The following KNDC1 variants were observed in gnomAD, a reference collection of about 807,000 sequenced individuals.
KNDC1 encodes kinase non-catalytic C-lobe domain containing 1, also known as kinase non-catalytic C-lobe domain-containing protein 1.
A neutral mutation model predicts 172.8 loss-of-function variants in KNDC1; 106 were observed. The observed-to-expected ratio is 0.61, with a 90% CI of 0.52 to 0.72. KNDC1 has a LOEUF of 0.72. KNDC1 is among the 30% of genes least tolerant of loss of function. The probability of loss-of-function intolerance (pLI) is 0.00; values close to 1 mark genes in which losing one functional copy is unlikely to be tolerated. For missense variants in KNDC1, 2,325 were observed against 2,394.5 expected, an observed-to-expected ratio of 0.97 and a Z score of 0.61; for synonymous variants, 1,083 against 1,062.2, an observed-to-expected ratio of 1.02 and a Z score of -0.38.
chr10:133,223,325 G>GTC (rs1333576052), intron 29 of KNDC1, among the ~76,000 whole-genome samples: 1 of 61,918 alleles, frequency 1.6e-5, no homozygotes, highest in African/African-American at 5.3e-5. Flanking sequence ...CCCGGCGTGT[G>GTC]TGTGTGTGTG....
At chr10:133,208,751 G>A (rs1001655483) in intron 20 of KNDC1, among the ~76,000 whole-genome samples, 1 of 152,190 alleles carries the variant, frequency 6.6e-6, no homozygotes, top group African/African-American at 2.4e-5. Context: ...GGAGACGTCC[G>A]TGTGCGTGAC....
chr10:133,161,803 G>A (rs548498213), intron 1 of KNDC1, among the ~76,000 whole-genome samples: 1 of 152,310 alleles, frequency 6.6e-6, no homozygotes, highest in South Asian at 2.1e-4. Context: ...TCTGTTAGGA[G>A]GCGGCCCTGA....
In KNDC1 at chr10:133,201,809, G is replaced by A; in HGVS notation, c.3298G>A (p.Ala1100Thr). The change falls in exon 17 of 30, where the codon GCC (alanine) becomes ACC (threonine). Residue 1100 changes from alanine to threonine, a missense_variant. Coordinates refer to ENST00000304613, the MANE Select transcript of KNDC1 (RefSeq NM_152643.8). Reference sequence around the variant, plus strand: ...CGGCTGGTGCAGCGCCTTCTACGAGGCCGACTGCTTCGGGGCCGACGTCCA... The same window carrying A: ...CGGCTGGTGCAGCGCCTTCTACGAGACCGACTGCTTCGGGGCCGACGTCCA... ...SPGWCSAFYE[A>T]DCFGADVHNY... 1.3e-6 allele frequency: 2 copies of A among 1,511,702 alleles called. No homozygotes were observed. Among genetic ancestry groups the A allele is most frequent in the Admixed American group, 2.3e-5 (1 of 42,950 alleles). The allele number at this position is 1,511,702 out of a possible 1,614,324, so 93.6% of individuals were successfully genotyped here.
intron 17 of KNDC1, among the ~76,000 whole-genome samples, chr10:133,206,011 A>G (rs1419590232): frequency 6.6e-6 from 1 of 152,100 alleles, no homozygotes; most frequent in Non-Finnish European, 1.5e-5. Context: ...GACCAGCCTG[A>G]CCAACATGGA....
rs371450560 is a variant in KNDC1 at position 133,166,567 on chromosome 10, A to AGT, written c.103-802_103-801dup. 1.1e-4 allele frequency among the ~76,000 whole-genome samples: 16 copies of AGT among 151,636 alleles called. 1 individual carries two copies. Among genetic ancestry groups the AGT allele is most frequent in the Admixed American group, 9.8e-4 (15 of 15,236 alleles). ...TGAGGATGTCTGTTCTCATTGCATGAGTGTGTGTGTGTGAAGCGGATGGAA... is the reference window on the plus strand; with the variant it reads ...TGAGGATGTCTGTTCTCATTGCATGAGTGTGTGTGTGTGTGAAGCGGATGGAA... On this transcript the variant is annotated intron_variant, in intron 1 of 29. Coordinates refer to ENST00000304613, the MANE Select transcript of KNDC1 (RefSeq NM_152643.8).
At chr10:133,166,975 G>A (rs1192554716) in intron 1 of KNDC1, among the ~76,000 whole-genome samples, 1 of 152,182 alleles carries the variant, frequency 6.6e-6, no homozygotes, top group African/African-American at 2.4e-5. Flanking sequence ...AGCTCTGCAC[G>A]AGTCCACAGT....
At position 133,198,364 on chromosome 10, in the gene KNDC1, G is replaced by A; in HGVS notation, c.1934G>A (p.Gly645Glu). The A allele has an allele frequency of 1.3e-6, 2 of 1,594,350 alleles. No homozygotes were observed. Among genetic ancestry groups the A allele is most frequent in the Non-Finnish European group, 1.7e-6 (2 of 1,171,648 alleles). ...PGFLPVNSDT[G>E]LVAVPGPVPG... ...TTCCTGCCGGTGAACAGCGACACCG[G>A]GCTTGTGGCTGTGCCAGGGCCCGTG... is the stretch of plus-strand genomic sequence containing the variant. The change falls in exon 13 of 30, where the codon GGG (glycine) becomes GAG (glutamate). Residue 645 changes from glycine to glutamate, a missense_variant. Transcript: ENST00000304613.
chr10:133,197,387 G>A (rs1162494652), intron 11 of KNDC1, among the ~76,000 whole-genome samples: 2 of 152,204 alleles, frequency 1.3e-5, no homozygotes, highest in Non-Finnish European at 2.9e-5. Context: ...CACCCACCCC[G>A]GGCGCAGAGA....
chr10:133,224,575 C>A lies in KNDC1; in HGVS notation c.5019-84C>A. On this transcript the variant is annotated intron_variant, in intron 29 of 29. Coordinates refer to ENST00000304613, the MANE Select transcript of KNDC1 (RefSeq NM_152643.8). The surrounding 1 kb of genome is among the most constrained non-coding windows in gnomAD (Gnocchi z 5.4). ...TGAAAAGATTTAGTCCAAATGATTC[C>A]TAAGAACGCGGGGGGACTCCCTCCC... 1 of 939,256 alleles carries A rather than the reference C, an allele frequency of 1.1e-6. No homozygotes were observed. Among genetic ancestry groups the A allele is most frequent in the Non-Finnish European group, 1.6e-6 (1 of 612,808 alleles). The allele number at this position is 939,256 out of a possible 1,614,324, so 58.2% of individuals were successfully genotyped here. A position where few individuals can be genotyped will look rare whatever the true frequency, so the allele number is the denominator to read the frequency against.
chr10:133,184,267 AC>A, intron 5 of KNDC1, among the ~76,000 whole-genome samples: 1 of 144,234 alleles, frequency 6.9e-6, no homozygotes, highest in East Asian at 2.1e-4. Context: ...CGTTACACAC[AC>A]CCATGCACAC....
rs921149387 is a variant in KNDC1 at position 133,198,444 on chromosome 10, T to C, written c.2014T>C (p.Ser672Pro). The part of the protein sequence containing the change: ...EATQLPAAFT[S>P]EATHFKPIVL... Reference sequence around the variant, plus strand: ...CACCCAGCTGCCTGCAGCGTTCACCTCCGAGGCCACGCACTTCAAGCCCAT... The same window carrying C: ...CACCCAGCTGCCTGCAGCGTTCACCCCCGAGGCCACGCACTTCAAGCCCAT... The change falls in exon 13 of 30, where the codon TCC (serine) becomes CCC (proline). Residue 672 changes from serine to proline, a missense_variant. Coordinates refer to ENST00000304613, the MANE Select transcript of KNDC1 (RefSeq NM_152643.8). 5.0e-6 allele frequency: 8 copies of C among 1,603,722 alleles called. No individual in the cohort carries two copies. Among genetic ancestry groups the C allele is most frequent in the Non-Finnish European group, 6.8e-6 (8 of 1,175,782 alleles).
intron 29 of KNDC1, among the ~76,000 whole-genome samples, chr10:133,222,222 C>A (rs34999719): frequency 6.9e-6 from 1 of 144,802 alleles, no homozygotes; most frequent in Non-Finnish European, 1.5e-5. Context: ...GGCGGAGCTT[C>A]CAGTGAGCCG....
rs1591212353 is a variant in KNDC1 at position 133,163,748 on chromosome 10, C to T, written c.102+3179C>T. On this transcript the variant is annotated intron_variant, in intron 1 of 29. Transcript: ENST00000304613. This position sits in a 1 kb window ranked among gnomAD's most constrained non-coding sequence, Gnocchi z 4.4. ...GTGGGAGCTTTCTGAATGCACAGGG[C>T]CCCTAATGGGGACCTGCCATGAGAT... Among the ~76,000 whole-genome samples the T allele has an allele frequency of 6.6e-6, 1 of 151,952 alleles. No homozygotes were observed.
At chr10:133,167,989 G>A (rs931500327) in intron 2 of KNDC1, among the ~76,000 whole-genome samples, 3 of 152,214 alleles carry the variant, frequency 2.0e-5, no homozygotes, top group African/African-American at 4.8e-5. Flanking sequence ...GCCCCTGCCC[G>A]GGAGCTGATT....
intron 26 of KNDC1, 75 bp downstream of exon 26, chr10:133,214,197 A>T: frequency 1.3e-6 from 2 of 1,530,994 alleles, no homozygotes; most frequent in Non-Finnish European, 1.8e-6. Context: ...GCCTCCTATA[A>T]GGCCGTGGCC....
chr10:133,172,943 C>T (rs1328224925), intron 3 of KNDC1, among the ~76,000 whole-genome samples: 1 of 152,170 alleles, frequency 6.6e-6, no homozygotes, highest in Non-Finnish European at 1.5e-5. Flanking sequence ...TTCCAGGCTG[C>T]AGTGAGCCAT....
chr10:133,189,433 G>A (rs373523768), intron 7 of KNDC1, among the ~76,000 whole-genome samples, 165 bp from the exon 8 acceptor site: 20 of 152,280 alleles, frequency 1.3e-4, no homozygotes, highest in African/African-American at 4.1e-4. Context: ...CGAGGACCCC[G>A]GGGGCTGGGG....
intron 3 of KNDC1, among the ~76,000 whole-genome samples, chr10:133,171,550 G>A (rs1410981603): frequency 2.0e-5 from 3 of 152,066 alleles, no homozygotes; most frequent in Non-Finnish European, 4.4e-5. Context: ...GGGGATAAAG[G>A]CATGAGCCAC....
intron 17 of KNDC1, among the ~76,000 whole-genome samples, chr10:133,202,943 G>A (rs1320107079): frequency 2.0e-5 from 3 of 152,166 alleles, no homozygotes; most frequent in African/African-American, 2.4e-5. Context: ...AACACCAAAC[G>A]ACCCGGCCCC....
Sources: gnomAD v4.1 joint callset for allele counts (sites outside exome capture counted in the v4.1 genomes callset) on GRCh38, gnomAD v4.1.1 for gene constraint, Gnocchi (gnomAD v3.1) non-coding constraint, MANE v1.5 for transcripts, NCBI Gene and HGNC (gene_info 2026-07-23, HGNC 2026-07-21) for gene names.